The following PCNX1 variants were observed in gnomAD, a reference collection of about 807,000 sequenced individuals.
PCNX1 encodes pecanex-like protein 1.
PCNX1 carries 78 observed loss-of-function variants against 242.2 expected under a neutral mutation model. The ratio of observed to expected loss-of-function variants is 0.32; its 90% CI spans 0.27 to 0.39. The LOEUF (loss-of-function observed/expected upper bound fraction) is 0.39, where lower values mean the gene tolerates loss of function less well. Ranked by LOEUF, PCNX1 falls within the 10% of genes least tolerant of loss-of-function variation. The probability of loss-of-function intolerance (pLI) is 1.00; values close to 1 mark genes in which losing one functional copy is unlikely to be tolerated. For missense variants in PCNX1, 2,581 were observed against 2,856.5 expected (o/e 0.90, Z 2.20); for synonymous variants, 1,024 against 1,032.9 (o/e 0.99, Z 0.17).
chr14:70,961,713 T>G (rs1259999299), intron 2 of PCNX1, among the ~76,000 whole-genome samples: 1 of 152,230 alleles, frequency 6.6e-6, no homozygotes, highest in Non-Finnish European at 1.5e-5. Context: ...TTCTGGTTAC[T>G]TAAAGAATAC....
rs1369174728 is a variant in PCNX1 at position 70,968,231 on chromosome 14, G to A, written c.502G>A (p.Ala168Thr). ...TGGTTCCTCGCGTCTTGGAACAGCAGCAACTATTAAAGGTAGGTGTGATCT... is the reference window on the plus strand; with the variant it reads ...TGGTTCCTCGCGTCTTGGAACAGCAACAACTATTAAAGGTAGGTGTGATCT... Reference protein sequence around the residue: ...GSGSSRLGTAATIKGDTDTAK... With the variant: ...GSGSSRLGTATTIKGDTDTAK... The change falls in exon 4 of 36, where the codon GCA (alanine) becomes ACA (threonine). Residue 168 changes from alanine to threonine, a missense_variant. By Grantham distance (58) the Ala-to-Thr change is moderately conservative. Coordinates refer to ENST00000304743, the MANE Select transcript of PCNX1 (RefSeq NM_014982.3). 6.2e-7 allele frequency: 1 copy of A among 1,612,822 alleles called. No homozygotes were observed. The highest frequency in any genetic ancestry group is 8.5e-7 in the Non-Finnish European group (1 of 1,178,982).
At chr14:71,104,184 T>A (rs1456531884) in intron 32 of PCNX1, among the ~76,000 whole-genome samples, 1 of 152,218 alleles carries the variant, frequency 6.6e-6, no homozygotes, top group Non-Finnish European at 1.5e-5. Flanking sequence ...CACATGATTT[T>A]TTTTCTCTGT....
At chr14:70,910,121 TCCCCCTCCTCCTCCTCCCCCTCCC>T in intron 1 of PCNX1, among the ~76,000 whole-genome samples, 1 of 23,678 alleles carries the variant, frequency 4.2e-5, no homozygotes, top group Non-Finnish European at 8.2e-5. Context: ...CTCCTCCTCC[TCCCCCTCCTCCTCCTCCCCCTCCC>T]CCTCCTCCCC....
In PCNX1 at chr14:70,988,603, G is replaced by T; in HGVS notation, c.2348G>T (p.Arg783Leu). ...AGCGAGGAGGCAGTGTCATTTCGCC[G>T]TGAACGCAGCACATTTAGGCGCCAG... ...QASEEAVSFR[R>L]ERSTFRRQAV... is the part of the protein sequence containing the mutation. The change falls in exon 7 of 36, where the codon CGT (arginine) becomes CTT (leucine). Residue 783 changes from arginine (R) to leucine (L), a missense_variant. By Grantham distance (102) the Arg-to-Leu change is moderately radical (BLOSUM62 -2). This residue lies in a region of PCNX1 where 1,204 missense variants were observed against 1,216.7 expected (regional missense o/e 0.99). Coordinates refer to ENST00000304743, the MANE Select transcript of PCNX1 (RefSeq NM_014982.3). 6.2e-7 allele frequency: 1 copy of T among 1,614,094 alleles called. No homozygotes were observed. The highest frequency in any genetic ancestry group is 8.5e-7 in the Non-Finnish European group (1 of 1,179,988).
chr14:70,971,544 A>G (rs956579528), intron 5 of PCNX1, among the ~76,000 whole-genome samples: 4 of 152,244 alleles, frequency 2.6e-5, no homozygotes, highest in Admixed American at 2.6e-4. Flanking sequence ...AGTACTGGAA[A>G]TAAATCAGTG....
intron 9 of PCNX1, 156 bp downstream of exon 9, chr14:71,009,880 C>T (rs1011100468): frequency 2.0e-5 from 9 of 454,716 alleles, no homozygotes; most frequent in Admixed American, 3.7e-5. Context: ...TGGCATACAA[C>T]CTGATGTTTT....
At chr14:70,912,482 T>C (rs954935175) in intron 1 of PCNX1, among the ~76,000 whole-genome samples, 2 of 152,034 alleles carry the variant, frequency 1.3e-5, no homozygotes. Flanking sequence ...TCAACGTACC[T>C]CTTGGCTGTC....
intron 2 of PCNX1, among the ~76,000 whole-genome samples, chr14:70,958,830 G>T (rs143720446): frequency 0.011 from 1,673 of 150,794 alleles, 14 homozygotes; most frequent in South Asian, 0.017. Flanking sequence ...CCTGAGGGTG[G>T]GGTCAACATT....
At chr14:70,925,057 C>T (rs1409149859) in intron 1 of PCNX1, among the ~76,000 whole-genome samples, 1 of 151,822 alleles carries the variant, frequency 6.6e-6, no homozygotes, top group African/African-American at 2.4e-5. Flanking sequence ...GGTGCGATCT[C>T]AGCTCACTGC....
At chr14:71,031,177 AAAATGTGC>A (rs527386742) in intron 16 of PCNX1, among the ~76,000 whole-genome samples, 10 of 152,352 alleles carry the variant, frequency 6.6e-5, no homozygotes, top group Admixed American at 5.2e-4. Context: ...TCTGCGAATT[AAAATGTGC>A]AAATGTGCAA....
chr14:70,939,615 T>A (rs1291447174), intron 1 of PCNX1, among the ~76,000 whole-genome samples: 2 of 152,348 alleles, frequency 1.3e-5, no homozygotes, highest in East Asian at 3.9e-4. Flanking sequence ...TCTGTTGATT[T>A]GGGGTGGAGA....
chr14:71,036,261 C>T (rs1333618131), intron 19 of PCNX1, 104 bp downstream of exon 19: 6 of 730,720 alleles, frequency 8.2e-6, no homozygotes, highest in Non-Finnish European at 1.2e-5. Flanking sequence ...TCATTCTAAC[C>T]TTGAATCCCT....
chr14:71,025,936 C>T (rs776159404), intron 13 of PCNX1, among the ~76,000 whole-genome samples, 181 bp from the exon 14 acceptor site: 50 of 152,150 alleles, frequency 3.3e-4, no homozygotes, highest in Admixed American at 3.3e-3. Flanking sequence ...TCCAGTATCT[C>T]AGAGTTCATT....
intron 8 of PCNX1, among the ~76,000 whole-genome samples, chr14:71,003,080 C>CCTTTTTTTTTTTTTTT (rs2059552444): frequency 2.1e-5 from 2 of 95,474 alleles, no homozygotes; most frequent in African/African-American, 9.4e-5. Context: ...TGGTTGTCTT[C>CCTTTTTTTTTTTTTTT]TTTTTTTTTT....
intron 1 of PCNX1, among the ~76,000 whole-genome samples, chr14:70,910,051 CT>C (rs1566808292): frequency 9.4e-5 from 10 of 105,978 alleles, no homozygotes; most frequent in African/African-American, 2.6e-4. Flanking sequence ...CCTCCTCCTC[CT>C]CCTCCTCCTC....
intron 8 of PCNX1, among the ~76,000 whole-genome samples, chr14:71,005,207 T>C (rs1363596853): frequency 6.6e-6 from 1 of 152,100 alleles, no homozygotes; most frequent in Non-Finnish European, 1.5e-5. Flanking sequence ...ATGAGTGATG[T>C]CAAGAATGCA....
intron 2 of PCNX1, among the ~76,000 whole-genome samples, chr14:70,961,735 G>A (rs1298410858): frequency 6.6e-6 from 1 of 152,142 alleles, no homozygotes; most frequent in African/African-American, 2.4e-5. Context: ...GATACAAATA[G>A]CTTGACCAGG....
At chr14:70,931,608 C>G (rs1420648910) in intron 1 of PCNX1, among the ~76,000 whole-genome samples, 1 of 152,210 alleles carries the variant, frequency 6.6e-6, no homozygotes, top group Non-Finnish European at 1.5e-5. Flanking sequence ...TTGTTTTCAT[C>G]TGCCAGATTT....
At chr14:70,941,146 C>T (rs1437773228) in intron 1 of PCNX1, among the ~76,000 whole-genome samples, 1 of 152,230 alleles carries the variant, frequency 6.6e-6, no homozygotes, top group Admixed American at 6.5e-5. Context: ...CAAACTCATT[C>T]TCTGTCCCTT....
Sources: gnomAD v4.1 joint callset for allele counts (sites outside exome capture counted in the v4.1 genomes callset) on GRCh38, gnomAD v4.1.1 for gene constraint, gnomAD v4.1.1 regional missense constraint, MANE v1.5 for transcripts, NCBI Gene and HGNC (gene_info 2026-07-23, HGNC 2026-07-21) for gene names.